DGKB: variants seen among roughly 807,000 people sequenced by gnomAD.
DGKB encodes 90 kDa diacylglycerol kinase.
DGKB carries 67 observed loss-of-function variants against 114.3 expected under a neutral mutation model. The observed-to-expected ratio is 0.59, with a 90% CI of 0.48 to 0.72. The LOEUF is 0.72. Ranked by LOEUF, DGKB falls within the 30% of genes least tolerant of loss-of-function variation. The pLI is 0.00. For missense variants in DGKB, 907 were observed against 975.2 expected (o/e 0.93, Z 0.93); for synonymous variants, 398 against 323.1 (o/e 1.23, Z -2.49).
intron 23 of DGKB, among the ~76,000 whole-genome samples, chr7:14,277,553 C>T (rs1405469443): frequency 2.0e-5 from 3 of 152,158 alleles, no homozygotes. Flanking sequence ...TTTCACTTAT[C>T]ATAATGTCTT....
chr7:14,310,181 G>C lies in DGKB; in HGVS notation c.2122+28334C>G, dbSNP rs151080355. Among the ~76,000 whole-genome samples the C allele has an allele frequency of 5.8e-4, 89 of 152,278 alleles. 3 individuals carry two copies. In the East Asian group the frequency reaches 6.2e-3, roughly 11 times the overall value. On this transcript the variant is annotated intron_variant, in intron 23 of 25. Transcript: ENST00000402815. Reference sequence around the variant, plus strand: ...CAAGATAAATATAATCCAAAGGATGGACCACTGGACACTCCATTTACCAAA... The same window carrying C: ...CAAGATAAATATAATCCAAAGGATGCACCACTGGACACTCCATTTACCAAA...
intron 23 of DGKB, among the ~76,000 whole-genome samples, chr7:14,199,939 T>C (rs774645135): frequency 6.6e-5 from 10 of 151,952 alleles, no homozygotes; most frequent in Non-Finnish European, 8.8e-5. Flanking sequence ...AAACAAAATC[T>C]AGCTCCTGAG....
At chr7:14,810,104 C>T (rs542016078) in intron 2 of DGKB, among the ~76,000 whole-genome samples, 6 of 152,270 alleles carry the variant, frequency 3.9e-5, no homozygotes, top group Admixed American at 2.6e-4. Flanking sequence ...TGAAAGAATT[C>T]GTGCACGTTG....
intron 25 of DGKB, among the ~76,000 whole-genome samples, chr7:14,164,514 G>A (rs1422224263): frequency 1.3e-5 from 2 of 152,146 alleles, no homozygotes; most frequent in African/African-American, 2.4e-5. Flanking sequence ...AAACTTCATC[G>A]CACTATTTCA....
intron 25 of DGKB, among the ~76,000 whole-genome samples, chr7:14,150,340 C>G (rs1030157194): frequency 1.3e-5 from 2 of 152,096 alleles, no homozygotes; most frequent in African/African-American, 4.8e-5. Context: ...GCATACCTGA[C>G]ATTTTCAAGT....
At chr7:14,279,663 C>A (rs1308158043) in intron 23 of DGKB, among the ~76,000 whole-genome samples, 3 of 152,094 alleles carry the variant, frequency 2.0e-5, no homozygotes, top group African/African-American at 7.2e-5. Flanking sequence ...GTAACCCGAC[C>A]TCAAAGGCAG....
chr7:14,208,314 A>G (rs778707259), intron 23 of DGKB, among the ~76,000 whole-genome samples: 1 of 152,062 alleles, frequency 6.6e-6, no homozygotes, highest in Non-Finnish European at 1.5e-5. Context: ...GGGGACTAGT[A>G]TTCGGGTTTT....
At chr7:14,709,170 C>T (rs1465433011) in intron 6 of DGKB, among the ~76,000 whole-genome samples, 6 of 152,072 alleles carry the variant, frequency 3.9e-5, no homozygotes, top group Non-Finnish European at 7.3e-5. Flanking sequence ...TGAACAGACA[C>T]TTCTCAAAAG....
intron 5 of DGKB, among the ~76,000 whole-genome samples, chr7:14,729,527 G>A (rs1031029658): frequency 4.6e-5 from 7 of 151,996 alleles, no homozygotes; most frequent in African/African-American, 9.7e-5. Flanking sequence ...CCCTTTGATG[G>A]GACATTAAAA....
intron 21 of DGKB, among the ~76,000 whole-genome samples, chr7:14,422,225 G>A (rs987967355): frequency 2.0e-5 from 3 of 151,858 alleles, no homozygotes; most frequent in African/African-American, 4.8e-5. Flanking sequence ...ACAAAGTATC[G>A]CTGTACTTCA....
intron 2 of DGKB, among the ~76,000 whole-genome samples, chr7:14,798,442 A>C (rs1430015034): frequency 7.8e-6 from 1 of 128,548 alleles, no homozygotes; most frequent in East Asian, 2.3e-4. Flanking sequence ...AAAAGTGTCC[A>C]CCACCTGGCC....
chr7:14,259,595 T>G (rs1796466987), intron 23 of DGKB, among the ~76,000 whole-genome samples: 1 of 151,994 alleles, frequency 6.6e-6, no homozygotes, highest in African/African-American at 2.4e-5. Context: ...TCCGGCTAAT[T>G]TTTGTATTTT....
chr7:14,489,791 G>A (rs376188971), intron 20 of DGKB, among the ~76,000 whole-genome samples: 1 of 152,126 alleles, frequency 6.6e-6, no homozygotes, highest in East Asian at 1.9e-4. Context: ...GGACACAAAG[G>A]AGGAGGGGAA....
intron 2 of DGKB, among the ~76,000 whole-genome samples, chr7:14,763,353 C>A (rs1188598764): frequency 6.6e-6 from 1 of 152,058 alleles, no homozygotes; most frequent in African/African-American, 2.4e-5. Flanking sequence ...GCACTAGTAA[C>A]ACTATTAATT....
At chr7:14,944,872 A>T (rs1473733996) in intron 1 of DGKB, among the ~76,000 whole-genome samples, 1 of 151,870 alleles carries the variant, frequency 6.6e-6, no homozygotes, top group Non-Finnish European at 1.5e-5. Flanking sequence ...TAAGTATATC[A>T]TAAGGTAATA....
chr7:14,517,447 A>C (rs760317325), intron 20 of DGKB, among the ~76,000 whole-genome samples: 32 of 152,016 alleles, frequency 2.1e-4, no homozygotes, highest in Non-Finnish European at 4.0e-4. Context: ...AAGAAAAAAA[A>C]AACCCAAAAA....
At chr7:14,535,260 T>G (rs1792248372) in intron 20 of DGKB, among the ~76,000 whole-genome samples, 1 of 151,724 alleles carries the variant, frequency 6.6e-6, no homozygotes, top group African/African-American at 2.4e-5. Flanking sequence ...TTCCAGCTAC[T>G]CAGGAGGCTG....
intron 21 of DGKB, among the ~76,000 whole-genome samples, chr7:14,407,796 T>G (rs1824186411): frequency 6.6e-6 from 1 of 152,080 alleles, no homozygotes; most frequent in Admixed American, 6.6e-5. Context: ...TGTGCTTCAG[T>G]GGACTTTGAG....
At chr7:14,918,512 A>T (rs1784349697) in intron 1 of DGKB, among the ~76,000 whole-genome samples, 1 of 152,190 alleles carries the variant, frequency 6.6e-6, no homozygotes, top group Non-Finnish European at 1.5e-5. Context: ...TTACTCTAAA[A>T]TCAGTGAAAT....
Sources: allele counts gnomAD v4.1 joint callset (sites outside exome capture counted in the v4.1 genomes callset), GRCh38; gene constraint gnomAD v4.1.1; transcripts MANE v1.5; gene names NCBI Gene and HGNC (gene_info 2026-07-23, HGNC 2026-07-21).